DNTTIP1: variants seen among roughly 807,000 people sequenced by gnomAD.
DNTTIP1 encodes deoxynucleotidyltransferase terminal interacting protein 1, also known as deoxynucleotidyltransferase terminal-interacting protein 1.
DNTTIP1 carries 22 observed loss-of-function variants against 52.9 expected under a neutral mutation model. That is an observed-to-expected ratio of 0.42 (90% CI 0.30 to 0.59). DNTTIP1 has a LOEUF of 0.59. Ranked by LOEUF, DNTTIP1 falls within the 20% of genes least tolerant of loss-of-function variation. The probability of loss-of-function intolerance (pLI) is 0.22; values close to 1 mark genes in which losing one functional copy is unlikely to be tolerated. For synonymous variants in DNTTIP1, 136 were observed against 155.1 expected, an observed-to-expected ratio of 0.88 and a Z score of 0.92; for missense variants, 286 against 435.5, an observed-to-expected ratio of 0.66 and a Z score of 3.06.
chr20:45,792,876 C>T (rs544086612), intron 2 of DNTTIP1, 129 bp downstream of exon 2: 25 of 729,818 alleles, frequency 3.4e-5, no homozygotes, highest in South Asian at 1.6e-4. Context: ...GAAGAGGAGA[C>T]TCCGATTCTG....
chr20:45,809,219 C>T lies in DNTTIP1; in HGVS notation c.795+34C>T. ...TATTCATTTGTGCCACTGCCAGTGA[C>T]CCACCCCACCTGGGAACCAGGATTT... On this transcript the variant is annotated intron_variant, in intron 11 of 12. Transcript: ENST00000372622. The surrounding 1 kb of genome is among the most constrained non-coding windows in gnomAD (Gnocchi z 4.2). 6.9e-6 allele frequency: 11 copies of T among 1,597,952 alleles called. No homozygotes were observed. Among genetic ancestry groups the T allele is most frequent in the Non-Finnish European group, 9.4e-6 (11 of 1,166,230 alleles).
At chr20:45,797,358 G>T (rs934136263) in intron 4 of DNTTIP1, among the ~76,000 whole-genome samples, 1 of 152,094 alleles carries the variant, frequency 6.6e-6, no homozygotes, top group African/African-American at 2.4e-5. Context: ...TTAAATGTTA[G>T]ACCTAAAACC....
rs769099968 is a variant in DNTTIP1, at chr20:45,805,095, T to A, written c.604-51T>A. ...GGTAGGGGGAGGAGTGTTTCTGTCC[T>A]ACCCATCAGATTAAACTTCACCCTC... On this transcript the variant is annotated intron_variant, in intron 8 of 12. Coordinates refer to ENST00000372622, the MANE Select transcript of DNTTIP1 (RefSeq NM_052951.3). The A allele has an allele frequency of 4.0e-6, 6 of 1,503,144 alleles. No homozygotes were observed. In the African/African-American group the frequency reaches 8.3e-5, roughly 21 times the overall value. 93.1% of individuals were successfully genotyped at this position (1,503,144 alleles called of 1,614,324 possible). A position where few individuals can be genotyped will look rare whatever the true frequency, so the allele number is the denominator to read the frequency against.
chr20:45,793,390 C>A (rs964947851), intron 2 of DNTTIP1, among the ~76,000 whole-genome samples: 2 of 149,856 alleles, frequency 1.3e-5, no homozygotes, highest in African/African-American at 2.5e-5. Flanking sequence ...TGGAGAAACC[C>A]CGTCTCTACT....
At position 45,792,122 on chromosome 20, in the gene DNTTIP1, C is replaced by A. The variant is rs1981037325; in HGVS notation, c.105+13C>A. The A allele has an allele frequency of 1.6e-6, 2 of 1,260,734 alleles. No individual in the cohort carries two copies. Among genetic ancestry groups the A allele is most frequent in the East Asian group, 2.9e-5 (1 of 34,824 alleles). 78.1% of individuals were successfully genotyped at this position (1,260,734 alleles called of 1,614,324 possible). ...GCTGGTTCTTACGGTGAGGGCGCCC[C>A]CGGTGAGGTCTGGGCTCAGGCCGGG... On this transcript the variant is annotated intron_variant, in intron 1 of 12. Transcript: ENST00000372622.
At chr20:45,795,302 C>T (rs371199187) in intron 3 of DNTTIP1, 43 bp from the exon 4 acceptor site, 6 of 1,202,928 alleles carry the variant, frequency 5.0e-6, no homozygotes, top group Non-Finnish European at 7.2e-6. Context: ...GGTTGATGCA[C>T]ATTAACAGGA....
At chr20:45,807,397 A>G (rs1184486978) in intron 10 of DNTTIP1, among the ~76,000 whole-genome samples, 1 of 152,172 alleles carries the variant, frequency 6.6e-6, no homozygotes, top group Admixed American at 6.5e-5. Context: ...CTGGAATTAT[A>G]GACTTGAGCC....
At chr20:45,803,063 T>C (rs1981524992) in intron 7 of DNTTIP1, 1 of 437,278 alleles carries the variant, frequency 2.3e-6, no homozygotes, top group South Asian at 3.2e-5. Flanking sequence ...GGGCAGTTGC[T>C]GTTTTTGTCT....
At chr20:45,800,051 C>T (rs1366927307) in intron 4 of DNTTIP1, among the ~76,000 whole-genome samples, 2 of 149,614 alleles carry the variant, frequency 1.3e-5, no homozygotes, top group Admixed American at 1.3e-4. Context: ...ACCTGGGAGG[C>T]GGAGATTGCA....
chr20:45,800,730 T>A (rs182283167), intron 4 of DNTTIP1, among the ~76,000 whole-genome samples: 10 of 56,096 alleles, frequency 1.8e-4, no homozygotes, highest in African/African-American at 5.0e-4. Context: ...TATATATATA[T>A]ATATATATAT....
intron 2 of DNTTIP1, 41 bp downstream of exon 2, chr20:45,792,788 G>C: frequency 1.9e-6 from 3 of 1,570,572 alleles, no homozygotes; most frequent in Non-Finnish European, 8.6e-7. Flanking sequence ...CCAGCCACTG[G>C]CTTGCATGGC....
intron 8 of DNTTIP1, 129 bp from the exon 9 acceptor site, chr20:45,805,017 T>C: frequency 1.2e-6 from 1 of 810,634 alleles, no homozygotes; most frequent in Non-Finnish European, 2.2e-6. Context: ...GAGTACTCAG[T>C]GTCTTGGGTC....
chr20:45,801,153 C>G lies in DNTTIP1; in HGVS notation c.441+11C>G. The stretch of plus-strand genomic sequence containing the variant: ...CTTCCAGGAATAAAGGTCAGAGTCA[C>G]TGTGTTCTCGGGTATTGGAGCGGGA... On this transcript the variant is annotated intron_variant, in intron 5 of 12. Coordinates refer to ENST00000372622, the MANE Select transcript of DNTTIP1 (RefSeq NM_052951.3). The G allele has an allele frequency of 6.2e-7, 1 of 1,613,520 alleles. No homozygotes were observed. The highest frequency in any genetic ancestry group is 8.5e-7 in the Non-Finnish European group (1 of 1,179,440).
chr20:45,806,475 T>A (rs1981654291), intron 10 of DNTTIP1, among the ~76,000 whole-genome samples: 1 of 152,124 alleles, frequency 6.6e-6, no homozygotes, highest in Non-Finnish European at 1.5e-5. Flanking sequence ...ATGGAGGAAA[T>A]CATAAACTCA....
At chr20:45,800,565 C>T (rs56235529) in intron 4 of DNTTIP1, among the ~76,000 whole-genome samples, 20,140 of 148,644 alleles carry the variant, frequency 0.14, 2,223 homozygotes, top group African/African-American at 0.31. Context: ...TCTCAGCTGC[C>T]TGGGAGGCTG....
Position 45,811,270 on chromosome 20 carries a change from G to T in DNTTIP1, c.*75G>T. 1 of 1,523,536 alleles carries T rather than the reference G, an allele frequency of 6.6e-7. No individual in the cohort carries two copies. Among genetic ancestry groups the T allele is most frequent in the South Asian group, 1.3e-5 (1 of 77,372 alleles). 94.4% of individuals were successfully genotyped at this position (1,523,536 alleles called of 1,614,324 possible). On this transcript the variant is annotated 3_prime_UTR_variant, in exon 13 of 13. Transcript: ENST00000372622. ...CTCACGTGGCTGAGGCCACCGCTGGGACTGCTCCTAGATGGATCTCAGCGG... is the reference window on the plus strand; with the variant it reads ...CTCACGTGGCTGAGGCCACCGCTGGTACTGCTCCTAGATGGATCTCAGCGG...
chr20:45,805,174 C>T lies in DNTTIP1; in HGVS notation c.632C>T (p.Thr211Ile), dbSNP rs994537623. The T allele has an allele frequency of 1.2e-6, 2 of 1,614,088 alleles. No individual in the cohort carries two copies. Among genetic ancestry groups the T allele is most frequent in the African/African-American group, 2.7e-5 (2 of 74,922 alleles). Residue 211 changes from threonine (T) to isoleucine (I), a missense_variant, in exon 9 of 13, where the codon ACC becomes ATC. Thr to Ile is a moderately conservative substitution (Grantham distance 89, BLOSUM62 -1). This residue lies in a region of DNTTIP1 where 78 missense variants were observed against 169.0 expected (regional missense o/e 0.46). Coordinates refer to ENST00000372622, the MANE Select transcript of DNTTIP1 (RefSeq NM_052951.3). ...KWDPARLNES[T>I]TFVLGSRANK... ...GACCCAGCTCGCCTGAATGAATCTA[C>T]CACCTTTGTGTTGGGATCTCGAGCC...
At chr20:45,798,307 G>A (rs994183683) in intron 4 of DNTTIP1, among the ~76,000 whole-genome samples, 2 of 141,836 alleles carry the variant, frequency 1.4e-5, no homozygotes, top group Non-Finnish European at 3.1e-5. Flanking sequence ...ACAGGAAAGG[G>A]AACATCAGAC....
chr20:45,801,040 A>G, intron 4 of DNTTIP1, 34 bp from the exon 5 acceptor site: 1 of 1,598,196 alleles, frequency 6.3e-7, no homozygotes, highest in Non-Finnish European at 8.6e-7. Context: ...CCACCAAAAT[A>G]GTGACTGGTA....
Sources: gnomAD v4.1 joint callset for allele counts (sites outside exome capture counted in the v4.1 genomes callset) on GRCh38, gnomAD v4.1.1 for gene constraint, gnomAD v4.1.1 regional missense constraint, Gnocchi (gnomAD v3.1) non-coding constraint, MANE v1.5 for transcripts, NCBI Gene and HGNC (gene_info 2026-07-23, HGNC 2026-07-21) for gene names.